The following FRK variants were observed in gnomAD, a reference collection of about 807,000 sequenced individuals.
FRK encodes the protein fyn related Src family tyrosine kinase.
In FRK, 51 loss-of-function variants were observed where a neutral mutation model predicts 56.4. The ratio of observed to expected loss-of-function variants is 0.90; its 90% confidence interval spans 0.72 to 1.14. The LOEUF is 1.14. Ranked by LOEUF, FRK falls within the 50% of genes most tolerant of loss-of-function variation. The probability of loss-of-function intolerance (pLI) is 0.00; values close to 1 mark genes in which losing one functional copy is unlikely to be tolerated. For synonymous variants in FRK, 245 were observed against 217.9 expected (o/e 1.12, Z -1.10); for missense variants, 570 against 601.4 (o/e 0.95, Z 0.55).
the FRK span, among the ~76,000 whole-genome samples, chr6:116,070,404 A>G: frequency 6.6e-6 from 1 of 152,160 alleles, no homozygotes; most frequent in Non-Finnish European, 1.5e-5. Flanking sequence ...TGTGACCCAT[A>G]CAAGATTCCA....
intron 2 of FRK, among the ~76,000 whole-genome samples, chr6:115,981,611 T>A (rs1176883259): frequency 2.0e-5 from 3 of 152,094 alleles, no homozygotes; most frequent in Non-Finnish European, 4.4e-5. Context: ...ATCTCAGGAC[T>A]CAATTCCTCT....
At chr6:115,972,163 C>G (rs1215769787) in intron 2 of FRK, among the ~76,000 whole-genome samples, 2 of 152,200 alleles carry the variant, frequency 1.3e-5, no homozygotes, top group Admixed American at 1.3e-4. Flanking sequence ...CTCCTCTTAT[C>G]CTCCAGCAGA....
In FRK at chr6:116,017,642, C is replaced by T. The variant is rs990958648; in HGVS notation, c.345-13644G>A. Among the ~76,000 whole-genome samples, 3 of 152,196 alleles carry T rather than the reference C, an allele frequency of 2.0e-5. No homozygotes were observed. The South Asian group carries it at 6.2e-4, about 32-fold the overall frequency. On this transcript the variant is annotated intron_variant, in intron 1 of 7. Coordinates refer to ENST00000606080, the MANE Select transcript of FRK (RefSeq NM_002031.3). Reference sequence around the variant, plus strand: ...GTTCTCAAACTCCAGTTTCTGAAGACTGTCCCAGGAAGTGTGTACAAGGCA... The same window carrying T: ...GTTCTCAAACTCCAGTTTCTGAAGATTGTCCCAGGAAGTGTGTACAAGGCA...
At chr6:115,974,468 T>C (rs1773919785) in intron 2 of FRK, among the ~76,000 whole-genome samples, 1 of 152,142 alleles carries the variant, frequency 6.6e-6, no homozygotes, top group Non-Finnish European at 1.5e-5. Context: ...ACCTAGAGTT[T>C]TCAAGCACAA....
chr6:116,038,602 T>G (rs1582743146), intron 1 of FRK, among the ~76,000 whole-genome samples: 1 of 152,246 alleles, frequency 6.6e-6, no homozygotes, highest in South Asian at 2.1e-4. Flanking sequence ...TCAAGAGAAA[T>G]GAACCTTAAG....
chr6:116,019,552 C>G (rs192538848), intron 1 of FRK, among the ~76,000 whole-genome samples: 6 of 152,264 alleles, frequency 3.9e-5, no homozygotes, highest in Admixed American at 3.3e-4. Context: ...TAATTGAGTG[C>G]CATCACCTAG....
rs537342303 is a variant in FRK at position 115,940,330 on chromosome 6, A to G, written c.*2084T>C. 1 of 152,356 alleles carries G rather than the reference A, an allele frequency of 6.6e-6. No individual in the cohort carries two copies. The highest frequency in any genetic ancestry group is 6.5e-5 in the Admixed American group (1 of 15,304). 9.4% of individuals were successfully genotyped at this position (152,356 alleles called of 1,614,324 possible). A position where few individuals can be genotyped will look rare whatever the true frequency, so the allele number is the denominator to read the frequency against. On this transcript the variant is annotated 3_prime_UTR_variant, in exon 8 of 8. Transcript: ENST00000606080. ...CTTACACCTATACAAAAATTAACTCAAGATGGATTAAAGACTTAAATGTAA... is the reference window on the plus strand; with the variant it reads ...CTTACACCTATACAAAAATTAACTCGAGATGGATTAAAGACTTAAATGTAA...
the FRK span, among the ~76,000 whole-genome samples, chr6:116,068,742 T>C: frequency 1.0e-3 from 154 of 152,172 alleles, no homozygotes; most frequent in African/African-American, 3.5e-3. Context: ...TATTTGAAAA[T>C]CCATGAATTT....
intron 1 of FRK, among the ~76,000 whole-genome samples, chr6:116,014,203 A>T (rs756448558): frequency 3.9e-5 from 6 of 152,206 alleles, no homozygotes; most frequent in Non-Finnish European, 7.3e-5. Flanking sequence ...CATTAGAAAC[A>T]TTAATTTTAT....
At chr6:115,954,681 T>G (rs180771593) in intron 5 of FRK, among the ~76,000 whole-genome samples, 1 of 152,128 alleles carries the variant, frequency 6.6e-6, no homozygotes, top group African/African-American at 2.4e-5. Context: ...TCTACTATAG[T>G]AGAAATTAGG....
At chr6:115,944,725 A>C (rs1161690499) in intron 5 of FRK, among the ~76,000 whole-genome samples, 1 of 151,920 alleles carries the variant, frequency 6.6e-6, no homozygotes, top group Non-Finnish European at 1.5e-5. Context: ...TAAAAAATTT[A>C]TTTATCTTTT....
the FRK span, among the ~76,000 whole-genome samples, chr6:116,076,081 T>C: frequency 1.3e-5 from 2 of 152,224 alleles, no homozygotes; most frequent in Non-Finnish European, 2.9e-5. Context: ...TTGTTTTAAG[T>C]ATTTTAAATT....
the FRK span, among the ~76,000 whole-genome samples, chr6:116,091,480 A>G: frequency 3.3e-5 from 5 of 152,092 alleles, no homozygotes; most frequent in African/African-American, 1.2e-4. Flanking sequence ...TAAGAGCTCT[A>G]ACACTCACCG....
chr6:116,006,829 A>G (rs1467817942), intron 1 of FRK, among the ~76,000 whole-genome samples: 1 of 152,136 alleles, frequency 6.6e-6, no homozygotes, highest in Non-Finnish European at 1.5e-5. Flanking sequence ...GAAAGATTCC[A>G]TCTCTCATAA....
At chr6:116,056,005 C>T (rs1021553906) in intron 1 of FRK, among the ~76,000 whole-genome samples, 1 of 152,084 alleles carries the variant, frequency 6.6e-6, no homozygotes, top group Non-Finnish European at 1.5e-5. Flanking sequence ...CCTTGGCTTG[C>T]GTGGTCAAGT....
chr6:116,016,764 C>T (rs1222835435), intron 1 of FRK, among the ~76,000 whole-genome samples: 1 of 151,878 alleles, frequency 6.6e-6, no homozygotes, highest in Non-Finnish European at 1.5e-5. Flanking sequence ...ATAATTTAGC[C>T]CTGTATACCC....
chr6:116,008,724 C>T (rs1170589108), intron 1 of FRK, among the ~76,000 whole-genome samples: 1 of 152,128 alleles, frequency 6.6e-6, no homozygotes, highest in East Asian at 1.9e-4. Context: ...CACCCCAGGC[C>T]CGGATGTCCA....
chr6:115,933,849 T>C lies in FRK; in HGVS notation c.*8565A>G, dbSNP rs1358115683. 6.6e-6 allele frequency: 1 copy of C among 152,188 alleles called. No individual in the cohort carries two copies. The highest frequency in any genetic ancestry group is 1.5e-5 in the Non-Finnish European group (1 of 68,030). 9.4% of individuals were successfully genotyped at this position (152,188 alleles called of 1,614,324 possible). A position where few individuals can be genotyped will look rare whatever the true frequency, so the allele number is the denominator to read the frequency against. On this transcript the variant is annotated 3_prime_UTR_variant, in exon 8 of 8. Coordinates refer to ENST00000606080, the MANE Select transcript of FRK (RefSeq NM_002031.3). ...AATAAACAAGTTGTTCTATACACAG[T>C]CAACTAATTTGAAAGATTAGTGTTG... is the stretch of plus-strand genomic sequence containing the variant.
At chr6:116,052,704 G>C (rs770703667) in intron 1 of FRK, among the ~76,000 whole-genome samples, 1 of 152,084 alleles carries the variant, frequency 6.6e-6, no homozygotes, top group African/African-American at 2.4e-5. Context: ...AAAGAGGAAG[G>C]AGAGGGTTAT....
Sources: allele counts gnomAD v4.1 joint callset (sites outside exome capture counted in the v4.1 genomes callset), GRCh38; gene constraint gnomAD v4.1.1; transcripts MANE v1.5; gene names NCBI Gene and HGNC (gene_info 2026-07-23, HGNC 2026-07-21).